The following RANBP2 variants were observed in gnomAD, a reference collection of about 807,000 sequenced individuals.
RANBP2 encodes the protein RAN binding protein 2.
In RANBP2, 57 loss-of-function variants were observed where a neutral mutation model predicts 303.6. The ratio of observed to expected loss-of-function variants is 0.19; its 90% CI spans 0.15 to 0.23. The LOEUF (loss-of-function observed/expected upper bound fraction) is 0.23, where lower values mean the gene tolerates loss of function less well. Ranked by LOEUF, RANBP2 falls within the 10% of genes least tolerant of loss-of-function variation. The pLI, the probability that RANBP2 is intolerant of heterozygous loss-of-function variation, is 1.00. For missense variants in RANBP2, 3,138 were observed against 3,780.8 expected, an observed-to-expected ratio of 0.83 and a Z score of 4.46; for synonymous variants, 1,167 against 1,301.5, an observed-to-expected ratio of 0.90 and a Z score of 2.23.
At chr2:108,920,322 A>G in the RANBP2 span, among the ~76,000 whole-genome samples, 2 of 152,166 alleles carry the variant, frequency 1.3e-5, no homozygotes, top group African/African-American at 4.8e-5. Context: ...ATAACTTGTA[A>G]TGAAATCCAA....
downstream of RANBP2, among the ~76,000 whole-genome samples, chr2:108,788,327 G>A (rs1679273932): frequency 6.6e-6 from 1 of 152,098 alleles, no homozygotes; most frequent in South Asian, 2.1e-4. Context: ...GGCTGAGGCA[G>A]GAGAATCGGT....
chr2:108,814,594 CTATT>C, the RANBP2 span, among the ~76,000 whole-genome samples: 2 of 149,244 alleles, frequency 1.3e-5, no homozygotes, highest in Non-Finnish European at 3.0e-5. Flanking sequence ...TTAATGTTGC[CTATT>C]TATTAATTTG....
chr2:109,734,515 GTGTT>G, the RANBP2 span, among the ~76,000 whole-genome samples: 1 of 152,162 alleles, frequency 6.6e-6, no homozygotes. Context: ...AATACATTCT[GTGTT>G]TGTGGATAGG....
the RANBP2 span, among the ~76,000 whole-genome samples, chr2:108,804,139 C>T: frequency 3.9e-5 from 6 of 151,946 alleles, no homozygotes; most frequent in South Asian, 2.1e-4. Flanking sequence ...TTATTTTCAT[C>T]GTATTTATAT....
the RANBP2 span, among the ~76,000 whole-genome samples, chr2:109,329,478 C>T: frequency 2.6e-5 from 4 of 152,294 alleles, no homozygotes; most frequent in African/African-American, 7.2e-5. Context: ...ATGGCTGGAG[C>T]GGTGTCTTTC....
chr2:109,747,609 G>A, the RANBP2 span, among the ~76,000 whole-genome samples: 13 of 151,338 alleles, frequency 8.6e-5, no homozygotes, highest in African/African-American at 1.7e-4. Flanking sequence ...TTAGCTGGGC[G>A]TGATGGTGGG....
the RANBP2 span, among the ~76,000 whole-genome samples, chr2:108,820,479 G>T: frequency 6.6e-6 from 1 of 151,984 alleles, no homozygotes; most frequent in East Asian, 1.9e-4. Flanking sequence ...AGGCATACAA[G>T]TTCAAGAAAC....
the RANBP2 span, among the ~76,000 whole-genome samples, chr2:108,995,484 G>A: frequency 3.3e-3 from 502 of 152,286 alleles, 2 homozygotes; most frequent in African/African-American, 0.012. Flanking sequence ...GATCCCCAAA[G>A]CTGTGGTCAG....
chr2:109,431,731 C>T, the RANBP2 span, among the ~76,000 whole-genome samples: 1 of 152,166 alleles, frequency 6.6e-6, no homozygotes, highest in East Asian at 1.9e-4. Context: ...ACTTAGCCAG[C>T]ATGGCGGTGC....
At chr2:109,181,646 C>A in the RANBP2 span, among the ~76,000 whole-genome samples, 3 of 152,178 alleles carry the variant, frequency 2.0e-5, no homozygotes, top group African/African-American at 7.2e-5. Context: ...ATGCCTGTTG[C>A]CGAACACACC....
the RANBP2 span, among the ~76,000 whole-genome samples, chr2:109,672,713 C>T: frequency 9.2e-5 from 14 of 152,052 alleles, no homozygotes; most frequent in East Asian, 5.8e-4. Context: ...TTTATAAGGC[C>T]GGTAATTTTG....
At position 108,767,819 on chromosome 2, in the gene RANBP2, A is replaced by G; in HGVS notation, c.7280A>G (p.Asp2427Gly). 3 of 1,611,298 alleles carry G rather than the reference A, an allele frequency of 1.9e-6. No individual in the cohort carries two copies. Among genetic ancestry groups the G allele is most frequent in the Non-Finnish European group, 2.5e-6 (3 of 1,179,840 alleles). The change falls in exon 20 of 29, where the codon GAT (aspartate) becomes GGT (glycine). Residue 2427 changes from aspartate (D) to glycine (G), a missense_variant. By Grantham distance (94) the Asp-to-Gly change is moderately conservative. Around this residue, in one of 20 missense-constraint regions of RANBP2, gnomAD observed 92 missense variants for 211.0 expected, o/e 0.44. Transcript: ENST00000283195. ...TTAGCTGTTCGTTTTAAACTACAGG[A>G]TGTTGCAGACTCGTTTAAGAAAATT... Reference protein sequence around the residue: ...EHLAVRFKLQDVADSFKKIFD... With the variant: ...EHLAVRFKLQGVADSFKKIFD...
the RANBP2 span, among the ~76,000 whole-genome samples, chr2:109,299,460 C>T: frequency 2.6e-5 from 4 of 151,868 alleles, no homozygotes. Flanking sequence ...AGTCTGCCAG[C>T]CACCAGGGCC....
chr2:109,527,222 G>GC, the RANBP2 span, among the ~76,000 whole-genome samples: 1 of 152,224 alleles, frequency 6.6e-6, no homozygotes, highest in Non-Finnish European at 1.5e-5. Context: ...TCCATCAGCT[G>GC]CCGCACGCCT....
At chr2:108,860,809 G>A in the RANBP2 span, among the ~76,000 whole-genome samples, 1 of 151,842 alleles carries the variant, frequency 6.6e-6, no homozygotes, top group African/African-American at 2.4e-5. Context: ...GTATGATACT[G>A]GGTTTTGGAA....
chr2:109,388,843 A>AG, the RANBP2 span, among the ~76,000 whole-genome samples: 1 of 152,048 alleles, frequency 6.6e-6, no homozygotes, highest in African/African-American at 2.4e-5. Context: ...ACTAGAGAGA[A>AG]GGGGGTATAG....
chr2:109,708,344 AG>A, the RANBP2 span, among the ~76,000 whole-genome samples: 1 of 152,022 alleles, frequency 6.6e-6, no homozygotes, highest in South Asian at 2.1e-4. Context: ...TGGGCAACAG[AG>A]CAAGATCCTG....
the RANBP2 span, among the ~76,000 whole-genome samples, chr2:109,034,270 CAAAAAAAAAAAAAAA>C: frequency 2.6e-5 from 1 of 38,094 alleles, no homozygotes. Flanking sequence ...GACTCCATCT[CAAAAAAAAAAAAAAA>C]AAAAAAAAAA....
At chr2:109,043,075 G>A in the RANBP2 span, among the ~76,000 whole-genome samples, 11 of 152,080 alleles carry the variant, frequency 7.2e-5, no homozygotes, top group Non-Finnish European at 1.3e-4. Flanking sequence ...CATTTATGAA[G>A]CCCCAGCAGG....
Sources: gnomAD v4.1 joint callset for allele counts (sites outside exome capture counted in the v4.1 genomes callset) on GRCh38, gnomAD v4.1.1 for gene constraint, gnomAD v4.1.1 regional missense constraint, MANE v1.5 for transcripts, NCBI Gene and HGNC (gene_info 2026-07-23, HGNC 2026-07-21) for gene names.